The following PDE4D variants were observed in gnomAD, a reference collection of about 807,000 sequenced individuals.
PDE4D encodes 3',5'-cyclic-AMP phosphodiesterase 4D.
In PDE4D, 24 loss-of-function variants were observed where a neutral mutation model predicts 87.4. The ratio of observed to expected loss-of-function variants is 0.27; its 90% CI spans 0.20 to 0.39. The LOEUF is 0.39. Ranked by LOEUF, PDE4D falls within the 10% of genes least tolerant of loss-of-function variation. PDE4D has a pLI of 1.00. For missense variants in PDE4D, 714 were observed against 1,041.0 expected (o/e 0.69, Z 4.32); for synonymous variants, 384 against 383.2 (o/e 1.00, Z -0.02).
intron 2 of PDE4D, among the ~76,000 whole-genome samples, chr5:59,204,071 T>A (rs567259592): frequency 2.6e-4 from 39 of 152,282 alleles, no homozygotes; most frequent in Admixed American, 7.9e-4. Context: ...CTTGATTTAA[T>A]CATTCCACAA....
chr5:58,989,429 T>C (rs941620207), intron 10 of PDE4D, among the ~76,000 whole-genome samples: 14 of 152,100 alleles, frequency 9.2e-5, no homozygotes, highest in African/African-American at 2.2e-4. Flanking sequence ...CTTTGGCCTA[T>C]AAATAAAAGC....
At chr5:59,181,873 T>C (rs1164368971) in intron 4 of PDE4D, among the ~76,000 whole-genome samples, 1 of 152,164 alleles carries the variant, frequency 6.6e-6, no homozygotes, top group Non-Finnish European at 1.5e-5. Context: ...GGAACCTGCA[T>C]GCACAGCCTC....
At chr5:58,988,976 G>C (rs1747227466) in intron 10 of PDE4D, among the ~76,000 whole-genome samples, 1 of 152,072 alleles carries the variant, frequency 6.6e-6, no homozygotes, top group South Asian at 2.1e-4. Context: ...ATCGAAACCA[G>C]GGTTTCTCAA....
intron 1 of PDE4D, among the ~76,000 whole-genome samples, chr5:60,327,078 A>C (rs914679233): frequency 1.3e-5 from 2 of 152,108 alleles, no homozygotes; most frequent in Admixed American, 1.3e-4. Context: ...CAGAGGCAAA[A>C]TTTCACCTCT....
chr5:60,222,132 G>A (rs968739496), intron 1 of PDE4D, among the ~76,000 whole-genome samples: 1 of 152,110 alleles, frequency 6.6e-6, no homozygotes, highest in African/African-American at 2.4e-5. Flanking sequence ...TTTGAAGTGA[G>A]GTCATAAAAG....
intron 1 of PDE4D, among the ~76,000 whole-genome samples, chr5:60,456,600 C>G (rs1015735126): frequency 6.6e-6 from 1 of 152,206 alleles, no homozygotes; most frequent in Non-Finnish European, 1.5e-5. Flanking sequence ...CAATAAACCC[C>G]TAAATGCCTC....
At chr5:59,103,425 A>G (rs1457130684) in intron 5 of PDE4D, among the ~76,000 whole-genome samples, 2 of 152,204 alleles carry the variant, frequency 1.3e-5, no homozygotes, top group East Asian at 3.9e-4. Flanking sequence ...TGTTTGGCCC[A>G]CACACGTTGT....
chr5:60,477,596 C>G (rs1338504541), intron 1 of PDE4D, among the ~76,000 whole-genome samples: 1 of 152,086 alleles, frequency 6.6e-6, no homozygotes, highest in Non-Finnish European at 1.5e-5. Flanking sequence ...CATGGCCTTC[C>G]TATGTATGCA....
At chr5:59,656,101 C>T (rs529093057) in intron 1 of PDE4D, among the ~76,000 whole-genome samples, 4 of 152,230 alleles carry the variant, frequency 2.6e-5, no homozygotes, top group African/African-American at 9.6e-5. Context: ...CTATATACCA[C>T]AGACACAGAT....
At chr5:59,069,145 T>A (rs931956913) in intron 5 of PDE4D, among the ~76,000 whole-genome samples, 1 of 152,204 alleles carries the variant, frequency 6.6e-6, no homozygotes, top group African/African-American at 2.4e-5. Flanking sequence ...TTTCTTTAAC[T>A]GATAAAATAA....
chr5:60,058,906 A>G (rs956796127), intron 2 of PDE4D, among the ~76,000 whole-genome samples: 1 of 151,950 alleles, frequency 6.6e-6, no homozygotes, highest in African/African-American at 2.4e-5. Flanking sequence ...TAAAATTCTG[A>G]ATAGTTATAT....
At position 60,230,496 on chromosome 5, in the gene PDE4D, T is replaced by A. The variant is rs1366424939; in HGVS notation, c.-89-44809A>T. Among the ~76,000 whole-genome samples, 130 of 152,110 alleles carry A rather than the reference T, an allele frequency of 8.5e-4. 1 individual carries two copies. The highest frequency in any genetic ancestry group is 8.5e-3 in the Admixed American group (130 of 15,246). ...AGTGGGTGAATTATTCTAGATTCTC[T>A]CTCTGCCACTAGAAGAGGGACTTTC... On this transcript the variant is annotated intron_variant, in intron 1 of 16. Transcript: ENST00000502484.
intron 11 of PDE4D, among the ~76,000 whole-genome samples, chr5:58,981,012 G>T (rs1184883647): frequency 6.6e-6 from 1 of 152,034 alleles, no homozygotes; most frequent in African/African-American, 2.4e-5. Flanking sequence ...TTCCCCCAAT[G>T]TTTTGTTCTT....
chr5:59,531,105 T>C (rs1011900847), intron 1 of PDE4D, among the ~76,000 whole-genome samples: 1 of 152,242 alleles, frequency 6.6e-6, no homozygotes, highest in Non-Finnish European at 1.5e-5. Flanking sequence ...CTGTGGAGTT[T>C]TGAAACTTCA....
intron 2 of PDE4D, among the ~76,000 whole-genome samples, chr5:60,081,001 T>C (rs1773863308): frequency 6.6e-6 from 1 of 152,166 alleles, no homozygotes; most frequent in Admixed American, 6.5e-5. Flanking sequence ...TGGGAATCAG[T>C]CTGGTCCTAG....
intron 2 of PDE4D, among the ~76,000 whole-genome samples, chr5:60,130,030 G>T (rs1185836678): frequency 2.0e-5 from 3 of 152,110 alleles, no homozygotes; most frequent in African/African-American, 7.2e-5. Context: ...AGGCCCCAGA[G>T]ACCTGACTTG....
At chr5:60,246,020 TACCCC>T (rs376853409) in intron 1 of PDE4D, among the ~76,000 whole-genome samples, 123,820 of 151,748 alleles carry the variant, frequency 0.82, 50,822 homozygotes, top group East Asian at 0.91. Context: ...TGCATGCCTG[TACCCC>T]ATGCCTGTAC....
At chr5:59,684,678 A>T (rs1358030905) in intron 1 of PDE4D, among the ~76,000 whole-genome samples, 1 of 152,230 alleles carries the variant, frequency 6.6e-6, no homozygotes, top group Non-Finnish European at 1.5e-5. Context: ...TATAACCAGC[A>T]AAGGGCCCCA....
chr5:59,038,404 C>A (rs1463912335), intron 6 of PDE4D, among the ~76,000 whole-genome samples: 1 of 152,146 alleles, frequency 6.6e-6, no homozygotes, highest in Non-Finnish European at 1.5e-5. Context: ...TCAGTTCTTG[C>A]GGGGTACCCT....
Sources: allele counts gnomAD v4.1 joint callset (sites outside exome capture counted in the v4.1 genomes callset), GRCh38; gene constraint gnomAD v4.1.1; transcripts MANE v1.5; gene names NCBI Gene and HGNC (gene_info 2026-07-23, HGNC 2026-07-21).